Variants in DPP10 observed in about 807,000 individuals in gnomAD.
The protein encoded by DPP10 is dipeptidyl peptidase like 10.
DPP10 carries 33 observed loss-of-function variants against 120.9 expected under a neutral mutation model. The ratio of observed to expected loss-of-function variants is 0.27; its 90% CI spans 0.21 to 0.37. The LOEUF is 0.37. DPP10 is among the 10% of genes least tolerant of loss of function. DPP10 has a pLI of 1.00. For synonymous variants in DPP10, 337 were observed against 326.1 expected (o/e 1.03, Z -0.36); for missense variants, 816 against 942.8 (o/e 0.87, Z 1.76).
chr2:115,245,878 T>C (rs2058511569), intron 1 of DPP10, among the ~76,000 whole-genome samples: 1 of 152,188 alleles, frequency 6.6e-6, no homozygotes, highest in African/African-American at 2.4e-5. Flanking sequence ...AAGTTTGGCA[T>C]TAATTAAATT....
At chr2:114,962,005 T>G (rs976797233) in intron 1 of DPP10, among the ~76,000 whole-genome samples, 1 of 152,140 alleles carries the variant, frequency 6.6e-6, no homozygotes, top group African/African-American at 2.4e-5. Context: ...ATTCATTAAT[T>G]AATTACTATA....
At chr2:115,307,324 A>G (rs1180803031) in intron 1 of DPP10, among the ~76,000 whole-genome samples, 1 of 152,120 alleles carries the variant, frequency 6.6e-6, no homozygotes, top group Non-Finnish European at 1.5e-5. Context: ...ATGGTTTGTC[A>G]TGAGTTGGAG....
chr2:115,640,681 G>C (rs554369553), intron 5 of DPP10, among the ~76,000 whole-genome samples: 1 of 152,078 alleles, frequency 6.6e-6, no homozygotes, highest in African/African-American at 2.4e-5. Flanking sequence ...CTATGGCAGC[G>C]CAATGTGACC....
chr2:114,992,113 G>A (rs547559747), intron 1 of DPP10, among the ~76,000 whole-genome samples: 9 of 152,296 alleles, frequency 5.9e-5, no homozygotes, highest in Admixed American at 5.2e-4. Flanking sequence ...TACAGAGCAT[G>A]CATATGCTTG....
intron 1 of DPP10, among the ~76,000 whole-genome samples, chr2:114,779,546 T>A (rs1421757848): frequency 6.6e-6 from 1 of 152,098 alleles, no homozygotes; most frequent in Non-Finnish European, 1.5e-5. Flanking sequence ...AGCTGCTAAT[T>A]TTGATATGGT....
At chr2:114,996,090 T>G (rs1701065763) in intron 1 of DPP10, among the ~76,000 whole-genome samples, 2 of 152,234 alleles carry the variant, frequency 1.3e-5, no homozygotes, top group Admixed American at 1.3e-4. Context: ...TGCAAGGATG[T>G]TTCTCTAAGC....
At chr2:115,082,956 ATC>A (rs1255086695) in intron 1 of DPP10, among the ~76,000 whole-genome samples, 1 of 152,198 alleles carries the variant, frequency 6.6e-6, no homozygotes, top group Non-Finnish European at 1.5e-5. Context: ...TTAAAATTAA[ATC>A]TCTCTCAGTT....
chr2:115,659,629 T>TTCATGGTATGTCCATAGGTGTG (rs1427957758), intron 5 of DPP10, among the ~76,000 whole-genome samples: 2 of 152,190 alleles, frequency 1.3e-5, no homozygotes, highest in Non-Finnish European at 2.9e-5. Context: ...AGTCAGTGCT[T>TTCATGGTATGTCCATAGGTGTG]TCATGGTATG....
intron 1 of DPP10, among the ~76,000 whole-genome samples, chr2:115,024,335 T>G (rs937901828): frequency 2.0e-5 from 3 of 152,110 alleles, no homozygotes; most frequent in Non-Finnish European, 4.4e-5. Flanking sequence ...GGTTGCTGTT[T>G]GCTTTCTATT....
chr2:115,378,305 C>T (rs2065977779), intron 3 of DPP10, among the ~76,000 whole-genome samples: 1 of 147,600 alleles, frequency 6.8e-6, no homozygotes. Flanking sequence ...ATTTTATTCT[C>T]TTTGAAGCAA....
intron 1 of DPP10, among the ~76,000 whole-genome samples, chr2:114,686,930 C>G (rs563794888): frequency 2.0e-4 from 31 of 151,910 alleles, no homozygotes; most frequent in Non-Finnish European, 3.8e-4. Context: ...TATAGTATCT[C>G]TGGGATGTGC....
chr2:115,812,409 G>A (rs1430930184), intron 19 of DPP10, among the ~76,000 whole-genome samples: 2 of 152,062 alleles, frequency 1.3e-5, no homozygotes, highest in East Asian at 1.9e-4. Flanking sequence ...GGCATGATTC[G>A]TGCTAGTTCT....
At chr2:115,607,641 A>T (rs1445585158) in intron 5 of DPP10, among the ~76,000 whole-genome samples, 2 of 152,140 alleles carry the variant, frequency 1.3e-5, no homozygotes, top group Non-Finnish European at 2.9e-5. Context: ...TTTTTTACTT[A>T]TTTAATGTGA....
intron 10 of DPP10, among the ~76,000 whole-genome samples, chr2:115,747,886 G>T (rs1006319306): frequency 6.6e-6 from 1 of 152,066 alleles, no homozygotes; most frequent in African/African-American, 2.4e-5. Flanking sequence ...AGCCACTGTG[G>T]CTGGCCCCGC....
At chr2:115,035,303 G>T (rs1464862055) in intron 1 of DPP10, among the ~76,000 whole-genome samples, 1 of 152,160 alleles carries the variant, frequency 6.6e-6, no homozygotes, top group Non-Finnish European at 1.5e-5. Context: ...GCAGAACAGG[G>T]TACTGTCTCC....
chr2:115,782,580 A>T (rs1235637174), intron 17 of DPP10, among the ~76,000 whole-genome samples, 181 bp downstream of exon 17: 2 of 152,040 alleles, frequency 1.3e-5, no homozygotes, highest in African/African-American at 2.4e-5. Flanking sequence ...AAAGCAAGAG[A>T]TATGAGCCAT....
At chr2:115,161,852 G>A (rs1306541384) in intron 1 of DPP10, 4 of 784,188 alleles carry the variant, frequency 5.1e-6, no homozygotes, top group Admixed American at 5.3e-5. Context: ...CCCTTCCGCC[G>A]ATTCCGGGAG....
At chr2:114,898,336 T>C (rs4849357) in intron 1 of DPP10, among the ~76,000 whole-genome samples, 43,973 of 136,086 alleles carry the variant, frequency 0.32, 6,841 homozygotes, top group East Asian at 0.62. Context: ...TATCACACTC[T>C]GGGGACTGTT....
chr2:115,615,285 G>A (rs1158882194), intron 5 of DPP10, among the ~76,000 whole-genome samples: 1 of 152,134 alleles, frequency 6.6e-6, no homozygotes, highest in Non-Finnish European at 1.5e-5. Flanking sequence ...AATCTATTGG[G>A]AAAGGAAATC....
Sources: gnomAD v4.1 joint callset for allele counts (sites outside exome capture counted in the v4.1 genomes callset) on GRCh38, gnomAD v4.1.1 for gene constraint, MANE v1.5 for transcripts, NCBI Gene and HGNC (gene_info 2026-07-23, HGNC 2026-07-21) for gene names.